The following WAC variants were observed in gnomAD, a reference collection of about 807,000 sequenced individuals.
WAC encodes the protein WW domain containing adaptor with coiled-coil.
A neutral mutation model predicts 79.6 loss-of-function variants in WAC; 11 were observed. That is an observed-to-expected ratio of 0.14 (90% CI 0.09 to 0.23). The LOEUF (loss-of-function observed/expected upper bound fraction) is 0.23. Among genes scored for constraint, WAC ranks in the 10% least tolerant of loss-of-function variants. The pLI is 1.00. For missense variants in WAC, 728 were observed against 773.5 expected (o/e 0.94, Z 0.70); for synonymous variants, 304 against 276.9 (o/e 1.10, Z -0.97).
chr10:28,552,060 G>A lies in WAC; in HGVS notation c.274+16303G>A, dbSNP rs1837709783. On this transcript the variant is annotated intron_variant, in intron 3 of 13. Transcript: ENST00000354911. ...ACTCCTGACCTCAGGTGATCCACTT[G>A]CCTTGGCCTCCCAAAGTGCTGGGAT... Among the ~76,000 whole-genome samples the A allele has an allele frequency of 8.5e-5, 13 of 152,264 alleles. No individual in the cohort carries two copies. The South Asian group carries it at 2.7e-3, about 32-fold the overall frequency.
intron 3 of WAC, among the ~76,000 whole-genome samples, chr10:28,557,841 G>A (rs1030718698): frequency 6.6e-6 from 1 of 152,268 alleles, no homozygotes; most frequent in East Asian, 1.9e-4. Context: ...TTCAGAGGCC[G>A]AGGTGGGTGG....
At chr10:28,582,034 T>G (rs1000323133) in intron 3 of WAC, among the ~76,000 whole-genome samples, 2 of 152,230 alleles carry the variant, frequency 1.3e-5, no homozygotes, top group African/African-American at 4.8e-5. Context: ...ACCACCTACG[T>G]TGTTCTTAAG....
intron 3 of WAC, among the ~76,000 whole-genome samples, chr10:28,539,812 GC>G (rs1264642581): frequency 3.3e-5 from 5 of 152,140 alleles, no homozygotes; most frequent in African/African-American, 1.2e-4. Flanking sequence ...ACCTGCCTCG[GC>G]CTCCCAAAGT....
At chr10:28,546,721 C>CT (rs1346467523) in intron 3 of WAC, among the ~76,000 whole-genome samples, 2 of 152,226 alleles carry the variant, frequency 1.3e-5, no homozygotes, top group African/African-American at 2.4e-5. Context: ...GAACTCTCCC[C>CT]TTTGAGTTTG....
At chr10:28,597,326 T>G (rs1441544169) in intron 7 of WAC, among the ~76,000 whole-genome samples, 1 of 152,262 alleles carries the variant, frequency 6.6e-6, no homozygotes, top group Non-Finnish European at 1.5e-5. Context: ...TAGGACATTT[T>G]GGTTTCTTAA....
chr10:28,568,031 C>T (rs1368826136), intron 3 of WAC, among the ~76,000 whole-genome samples: 4 of 152,218 alleles, frequency 2.6e-5, no homozygotes, highest in Non-Finnish European at 5.9e-5. Flanking sequence ...AGCCACCTCG[C>T]CCGGCCTCAG....
intron 3 of WAC, among the ~76,000 whole-genome samples, chr10:28,580,293 ATAAT>A (rs1373792273): frequency 6.6e-6 from 1 of 152,228 alleles, no homozygotes; most frequent in Admixed American, 6.5e-5. Context: ...CTTTAGAGGT[ATAAT>A]TAATTGGAAT....
intron 8 of WAC, among the ~76,000 whole-genome samples, chr10:28,609,310 C>T (rs1841110814): frequency 6.6e-6 from 1 of 152,196 alleles, no homozygotes; most frequent in Admixed American, 6.5e-5. Context: ...TTGCAGTGAG[C>T]TGAGATGGTG....
At chr10:28,534,111 C>T in intron 2 of WAC, 77 bp downstream of exon 2, 1 of 1,423,480 alleles carries the variant, frequency 7.0e-7, no homozygotes, top group Non-Finnish European at 9.5e-7. Context: ...GAGCGCAGGC[C>T]TCAGAAGTCG....
chr10:28,536,022 A>T (rs1279706260), intron 3 of WAC: 3 of 215,354 alleles, frequency 1.4e-5, no homozygotes, highest in Non-Finnish European at 2.8e-5. Flanking sequence ...CGGGCAGATC[A>T]CCTGAGGTCA....
chr10:28,555,483 A>G (rs185586461), intron 3 of WAC, among the ~76,000 whole-genome samples: 4 of 151,974 alleles, frequency 2.6e-5, no homozygotes, highest in East Asian at 1.9e-4. Context: ...AACCACTGCA[A>G]CCAGGTCTTG....
At chr10:28,586,385 T>C (rs891526516) in intron 4 of WAC, among the ~76,000 whole-genome samples, 21 of 152,086 alleles carry the variant, frequency 1.4e-4, no homozygotes, top group African/African-American at 5.1e-4. Context: ...CACAAAAAAG[T>C]CATGGGAATG....
chr10:28,619,270 ACT>A (rs1841604115), intron 13 of WAC, among the ~76,000 whole-genome samples: 1 of 152,170 alleles, frequency 6.6e-6, no homozygotes, highest in African/African-American at 2.4e-5. Flanking sequence ...ACAGAGCAAG[ACT>A]CTGTCTCAAA....
At chr10:28,606,358 A>G (rs971067769) in intron 7 of WAC, among the ~76,000 whole-genome samples, 11 of 152,344 alleles carry the variant, frequency 7.2e-5, no homozygotes, top group Admixed American at 5.9e-4. Context: ...TTCGCAAGGA[A>G]AACATTTATC....
intron 3 of WAC, among the ~76,000 whole-genome samples, chr10:28,541,415 G>GT (rs143772149): frequency 0.018 from 687 of 37,856 alleles, 132 homozygotes; most frequent in African/African-American, 0.041. Flanking sequence ...GTGTGTGTGT[G>GT]TTTTGTTTTT....
chr10:28,539,453 A>G (rs1836879995), intron 3 of WAC, among the ~76,000 whole-genome samples: 1 of 151,822 alleles, frequency 6.6e-6, no homozygotes, highest in Admixed American at 6.6e-5. Context: ...TAATTAAAAT[A>G]TTTTTTTGTG....
chr10:28,607,086 G>A (rs1785761495), intron 7 of WAC, among the ~76,000 whole-genome samples: 1 of 152,046 alleles, frequency 6.6e-6, no homozygotes, highest in South Asian at 2.1e-4. Context: ...AATGTCTTCT[G>A]TACATTTTTC....
chr10:28,600,740 C>T (rs1840601331), intron 7 of WAC, among the ~76,000 whole-genome samples: 1 of 151,910 alleles, frequency 6.6e-6, no homozygotes, highest in Admixed American at 6.6e-5. Flanking sequence ...ACATTTAAAA[C>T]TTCTTTATAA....
At chr10:28,613,494 A>G (rs1023543126) in intron 10 of WAC, among the ~76,000 whole-genome samples, 4 of 152,160 alleles carry the variant, frequency 2.6e-5, no homozygotes, top group Non-Finnish European at 5.9e-5. Context: ...CAACCAGACT[A>G]AGACCCTGTC....
Sources: gnomAD v4.1 joint callset for allele counts (sites outside exome capture counted in the v4.1 genomes callset) on GRCh38, gnomAD v4.1.1 for gene constraint, MANE v1.5 for transcripts, NCBI Gene and HGNC (gene_info 2026-07-23, HGNC 2026-07-21) for gene names.